UBQLN1: variants seen among roughly 807,000 people sequenced by gnomAD.
UBQLN1 encodes the protein ubiquilin-1.
A neutral mutation model predicts 65.4 loss-of-function variants in UBQLN1; 13 were observed. The ratio of observed to expected loss-of-function variants is 0.20; its 90% CI spans 0.13 to 0.32. UBQLN1 has a LOEUF of 0.32. Among genes scored for constraint, UBQLN1 ranks in the 10% least tolerant of loss-of-function variants. The pLI is 1.00. For synonymous variants in UBQLN1, 267 were observed against 247.8 expected (o/e 1.08, Z -0.73); for missense variants, 561 against 724.0 (o/e 0.77, Z 2.58).
At position 83,707,515 on chromosome 9, in the gene UBQLN1, A is replaced by G. The variant is rs1018603142; in HGVS notation, c.165T>C (p.Asn55=). The G allele has an allele frequency of 1.2e-6, 2 of 1,610,134 alleles. No homozygotes were observed. Among genetic ancestry groups the G allele is most frequent in the Non-Finnish European group, 8.5e-7 (1 of 1,178,422 alleles). The change falls in exon 1 of 11, where the codon AAT becomes AAC. Residue 55 remains asparagine (N), a synonymous_variant. Coordinates refer to ENST00000376395, the MANE Select transcript of UBQLN1 (RefSeq NM_013438.5). The stretch of plus-strand genomic sequence containing the variant: ...GCGGCCTCACCTGCTGGACGGAGCT[A>G]TTCTCGGGCACGGCGAATTCCTCCT... ...KEKEEFAVPE[N]SSVQQFKEEI...
chr9:83,667,520 A>C, intron 7 of UBQLN1: 1 of 985,440 alleles, frequency 1.0e-6, no homozygotes, highest in South Asian at 4.7e-5. Context: ...TCAGGAACAT[A>C]CAGTATTTAT....
At chr9:83,682,343 G>C (rs1008057322) in intron 3 of UBQLN1, among the ~76,000 whole-genome samples, 2 of 151,792 alleles carry the variant, frequency 1.3e-5, no homozygotes, top group Non-Finnish European at 2.9e-5. Flanking sequence ...ATACAGGCCA[G>C]GCACAGTGGC....
intron 2 of UBQLN1, among the ~76,000 whole-genome samples, chr9:83,684,991 A>G (rs921295330): frequency 7.9e-5 from 12 of 152,096 alleles, no homozygotes; most frequent in African/African-American, 2.9e-4. Context: ...CATCAACTAC[A>G]TGCCTGCACA....
chr9:83,676,091 G>C (rs906612650), intron 6 of UBQLN1, among the ~76,000 whole-genome samples: 1 of 152,124 alleles, frequency 6.6e-6, no homozygotes, highest in African/African-American at 2.4e-5. Context: ...TTACATTCTA[G>C]AGTAGGTGCT....
At chr9:83,675,965 ATTTGT>A (rs922380021) in intron 6 of UBQLN1, among the ~76,000 whole-genome samples, 7 of 152,028 alleles carry the variant, frequency 4.6e-5, no homozygotes, top group African/African-American at 1.5e-4. Flanking sequence ...ATTTGTGGGA[ATTTGT>A]TTTGTCTCTT....
intron 1 of UBQLN1, among the ~76,000 whole-genome samples, chr9:83,696,279 C>T (rs1455594124): frequency 1.3e-5 from 2 of 152,146 alleles, no homozygotes; most frequent in Non-Finnish European, 2.9e-5. Flanking sequence ...ATATCTATCA[C>T]CTCTCTTATC....
intron 1 of UBQLN1, among the ~76,000 whole-genome samples, chr9:83,706,179 A>T (rs964757714): frequency 2.6e-5 from 4 of 152,224 alleles, no homozygotes; most frequent in African/African-American, 9.7e-5. Context: ...CACAATGCTG[A>T]AGTGACATGT....
intron 1 of UBQLN1, among the ~76,000 whole-genome samples, chr9:83,696,593 C>T (rs1261803405): frequency 1.3e-5 from 2 of 151,570 alleles, no homozygotes; most frequent in East Asian, 1.9e-4. Context: ...GAGCTGTGAT[C>T]GCACTACTGC....
At chr9:83,662,845 G>A (rs190944129) in intron 10 of UBQLN1, among the ~76,000 whole-genome samples, 11 of 152,292 alleles carry the variant, frequency 7.2e-5, no homozygotes, top group African/African-American at 1.4e-4. Context: ...AGGCCAAGGC[G>A]GGTGAGATCG....
intron 1 of UBQLN1, among the ~76,000 whole-genome samples, chr9:83,701,076 C>G (rs1832302690): frequency 6.6e-6 from 1 of 152,150 alleles, no homozygotes; most frequent in East Asian, 1.9e-4. Flanking sequence ...TACGCCACCA[C>G]AGAAATTTTT....
chr9:83,684,970 T>G (rs1832015178), intron 2 of UBQLN1, among the ~76,000 whole-genome samples: 1 of 152,194 alleles, frequency 6.6e-6, no homozygotes, highest in Admixed American at 6.5e-5. Context: ...TTACAATTGC[T>G]GACAGCCAGG....
intron 7 of UBQLN1, chr9:83,667,525 A>G (rs1831661320): frequency 1.4e-5 from 14 of 985,412 alleles, no homozygotes; most frequent in Non-Finnish European, 1.7e-5. Flanking sequence ...AACATACAGT[A>G]TTTATTTCAA....
intron 1 of UBQLN1, among the ~76,000 whole-genome samples, chr9:83,699,888 G>A (rs116034157): frequency 2.6e-3 from 396 of 152,238 alleles, no homozygotes; most frequent in African/African-American, 9.3e-3. Flanking sequence ...CTGCCCTAAG[G>A]CACCCATTAT....
chr9:83,683,976 G>A (rs1014534025), intron 2 of UBQLN1, among the ~76,000 whole-genome samples: 5 of 151,908 alleles, frequency 3.3e-5, no homozygotes, highest in African/African-American at 1.2e-4. Context: ...AGCCAAGATT[G>A]CGCCACTGCA....
At chr9:83,697,551 CAAAAAAAAAAAAA>C (rs750268209) in intron 1 of UBQLN1, among the ~76,000 whole-genome samples, 3 of 34,474 alleles carry the variant, frequency 8.7e-5, no homozygotes, top group East Asian at 1.4e-3. Flanking sequence ...GACACTGTCT[CAAAAAAAAAAAAA>C]AAAAAAAAAA....
In UBQLN1 at chr9:83,677,708, T is replaced by G. The variant is rs375559347; in HGVS notation, c.1105+19A>C. 3.2e-6 allele frequency: 5 copies of G among 1,577,626 alleles called. No homozygotes were observed. In the African/African-American group the frequency reaches 6.8e-5, roughly 21 times the overall value. ...AATGAGGACAACAAAGAAAAAAGCC[T>G]GAGTTGTTAAAAGCATACCTCCTAC... On this transcript the variant is annotated intron_variant, in intron 6 of 10. Transcript: ENST00000376395.
At chr9:83,686,187 GTTGTT>G (rs1832037564) in intron 1 of UBQLN1, 32 bp from the exon 2 acceptor site, 1 of 1,436,732 alleles carries the variant, frequency 7.0e-7, no homozygotes, top group Non-Finnish European at 9.4e-7. Flanking sequence ...ATGTATTACA[GTTGTT>G]TGCACAGCAC....
At chr9:83,673,952 C>T (rs374105880) in intron 6 of UBQLN1, among the ~76,000 whole-genome samples, 2 of 152,022 alleles carry the variant, frequency 1.3e-5, no homozygotes, top group African/African-American at 4.8e-5. Context: ...CAGCTGCACA[C>T]CATGCCCGGT....
rs181702248 is a variant in UBQLN1, at chr9:83,688,580, C to T, written c.181-2425G>A. Among the ~76,000 whole-genome samples the T allele has an allele frequency of 1.9e-4, 29 of 151,910 alleles. No homozygotes were observed. The East Asian group carries it at 3.5e-3, about 18-fold the overall frequency. ...AAGATACTAGATTAAACACATGCAT[C>T]GGGCGGGGTGCAGTGGCTCACACCT... On this transcript the variant is annotated intron_variant, in intron 1 of 10. Coordinates refer to ENST00000376395, the MANE Select transcript of UBQLN1 (RefSeq NM_013438.5).
Sources: gnomAD v4.1 joint callset for allele counts (sites outside exome capture counted in the v4.1 genomes callset) on GRCh38, gnomAD v4.1.1 for gene constraint, MANE v1.5 for transcripts, NCBI Gene and HGNC (gene_info 2026-07-23, HGNC 2026-07-21) for gene names.